The following SHROOM3 variants were observed in gnomAD, a reference collection of about 807,000 sequenced individuals.
SHROOM3 encodes the protein protein Shroom3.
Under a neutral mutation model 138.6 loss-of-function variants are expected in SHROOM3, and 47 were observed. That is an observed-to-expected ratio of 0.34 (90% CI 0.27 to 0.43). The LOEUF is 0.43. SHROOM3 is among the 20% of genes least tolerant of loss of function. The pLI, the probability that SHROOM3 is intolerant of heterozygous loss-of-function variation, is 1.00. For synonymous variants in SHROOM3, 1,062 were observed against 1,063.3 expected (o/e 1.00, Z 0.02); for missense variants, 2,491 against 2,596.5 (o/e 0.96, Z 0.88).
intron 10 of SHROOM3, among the ~76,000 whole-genome samples, chr4:76,776,554 T>C (rs1391212333): frequency 5.3e-5 from 8 of 152,210 alleles, no homozygotes; most frequent in Admixed American, 5.2e-4. Flanking sequence ...TCTTTCCATC[T>C]AGCTATTTTA....
rs971740137 is a variant in SHROOM3, at chr4:76,676,818, C to T, written c.324-33338C>T. Among the ~76,000 whole-genome samples the T allele has an allele frequency of 5.3e-5, 8 of 152,070 alleles. No homozygotes were observed. In the South Asian group the frequency reaches 1.0e-3, roughly 20 times the overall value. ...ATTAGCCGGACATGATGGCCGGCGCCTGTAGTCCCAGCTACTCGGGAGGCT... is the reference window on the plus strand; with the variant it reads ...ATTAGCCGGACATGATGGCCGGCGCTTGTAGTCCCAGCTACTCGGGAGGCT... On this transcript the variant is annotated intron_variant, in intron 2 of 10. Coordinates refer to ENST00000296043, the MANE Select transcript of SHROOM3 (RefSeq NM_020859.4).
At chr4:76,541,582 C>T (rs974161043) in intron 1 of SHROOM3, among the ~76,000 whole-genome samples, 3 of 151,670 alleles carry the variant, frequency 2.0e-5, no homozygotes, top group Admixed American at 6.6e-5. Flanking sequence ...GGAAAAAAGT[C>T]GCACTGCACT....
At position 76,740,675 on chromosome 4, in the gene SHROOM3, C is replaced by T; in HGVS notation, c.2502C>T (p.Phe834=). The change falls in exon 5 of 11, where the codon TTC becomes TTT. Residue 834 remains phenylalanine (F), a synonymous_variant. Coordinates refer to ENST00000296043, the MANE Select transcript of SHROOM3 (RefSeq NM_020859.4). This position sits in a 1 kb window ranked among gnomAD's most constrained non-coding sequence, Gnocchi z 4.0. ...AGGAGACAAAAGCACACATTCGTTT[C>T]TCTGAGTCAGCTGAACCCCTAGGCA... ...DFEETKAHIR[F]SESAEPLGNG... 1 of 1,614,126 alleles carries T rather than the reference C, an allele frequency of 6.2e-7. No individual in the cohort carries two copies. The highest frequency in any genetic ancestry group is 8.5e-7 in the Non-Finnish European group (1 of 1,180,034).
intron 1 of SHROOM3, among the ~76,000 whole-genome samples, chr4:76,486,154 A>G (rs1230476248): frequency 6.6e-6 from 1 of 152,242 alleles, no homozygotes; most frequent in Non-Finnish European, 1.5e-5. Flanking sequence ...GGAAGTGAAT[A>G]CAATGTATTG....
At chr4:76,564,127 T>C (rs1733651805) in intron 2 of SHROOM3, among the ~76,000 whole-genome samples, 1 of 152,218 alleles carries the variant, frequency 6.6e-6, no homozygotes, top group Admixed American at 6.5e-5. Context: ...CTTCATTACT[T>C]CACTCATCCT....
At chr4:76,510,163 AC>A (rs1380400259) in intron 1 of SHROOM3, among the ~76,000 whole-genome samples, 1 of 152,218 alleles carries the variant, frequency 6.6e-6, no homozygotes, top group African/African-American at 2.4e-5. Context: ...TGAGATCCAG[AC>A]CAAGATTTAT....
chr4:76,589,963 G>A (rs1327152526), intron 2 of SHROOM3, among the ~76,000 whole-genome samples: 2 of 152,222 alleles, frequency 1.3e-5, no homozygotes, highest in Non-Finnish European at 2.9e-5. Context: ...CAAGAAGTTA[G>A]TGAGAAATTA....
At chr4:76,681,740 A>G (rs933710207) in intron 2 of SHROOM3, among the ~76,000 whole-genome samples, 7 of 151,912 alleles carry the variant, frequency 4.6e-5, no homozygotes, top group Non-Finnish European at 1.0e-4. Flanking sequence ...GCCTTTTCAG[A>G]TGGATTAGGA....
chr4:76,534,009 A>G (rs1053931482), intron 1 of SHROOM3, among the ~76,000 whole-genome samples: 3 of 152,144 alleles, frequency 2.0e-5, no homozygotes, highest in Non-Finnish European at 4.4e-5. Flanking sequence ...CACCTGTAAA[A>G]TTATTATTTA....
rs1373879349 is a variant in SHROOM3, at chr4:76,596,333, G to A, written c.323+40570G>A. 2.6e-5 allele frequency among the ~76,000 whole-genome samples: 4 copies of A among 152,132 alleles called. No individual in the cohort carries two copies. The East Asian group carries it at 7.7e-4, about 29-fold the overall frequency. On this transcript the variant is annotated intron_variant, in intron 2 of 10. Coordinates refer to ENST00000296043, the MANE Select transcript of SHROOM3 (RefSeq NM_020859.4). Reference sequence around the variant, plus strand: ...AGTTAGAGGCAAGAGGATGGCTGGAGCCTGGGAGGTAGAGGCTACAGTGAG... The same window carrying A: ...AGTTAGAGGCAAGAGGATGGCTGGAACCTGGGAGGTAGAGGCTACAGTGAG...
chr4:76,539,379 A>C (rs536204383), intron 1 of SHROOM3, among the ~76,000 whole-genome samples: 1 of 152,292 alleles, frequency 6.6e-6, no homozygotes, highest in Admixed American at 6.5e-5. Context: ...GCCAACTTCC[A>C]GATTGGCATA....
At chr4:76,489,241 T>A (rs1731799802) in intron 1 of SHROOM3, among the ~76,000 whole-genome samples, 4 of 152,246 alleles carry the variant, frequency 2.6e-5, no homozygotes, top group Admixed American at 6.5e-5. Context: ...ATATGCAATT[T>A]TTTTTCTTAA....
At chr4:76,577,590 A>G (rs539440959) in intron 2 of SHROOM3, among the ~76,000 whole-genome samples, 4 of 152,236 alleles carry the variant, frequency 2.6e-5, no homozygotes, top group Admixed American at 6.5e-5. Flanking sequence ...ACGTTTATCA[A>G]TCTTGTTAAA....
chr4:76,750,435 T>G (rs1721583791), intron 6 of SHROOM3, among the ~76,000 whole-genome samples: 1 of 152,118 alleles, frequency 6.6e-6, no homozygotes, highest in Non-Finnish European at 1.5e-5. Flanking sequence ...TACTGCACGT[T>G]CTCACTTACA....
Position 76,693,370 on chromosome 4 carries a change from GTTTTTTTT to G in SHROOM3, c.324-16770_324-16763del, listed in dbSNP as rs10648549. 1.0e-4 allele frequency among the ~76,000 whole-genome samples: 8 copies of G among 79,834 alleles called. No individual in the cohort carries two copies. In the East Asian group the frequency reaches 1.7e-3, roughly 17 times the overall value. 52.4% of individuals were successfully genotyped at this position (79,834 alleles called of 152,430 possible). Reference sequence around the variant, plus strand: ...TGCATACCTTCATTTTGATAAGTTTGTTTTTTTTTTTTTTTTTTTTTTTAAAGCAACAA... The same window carrying G: ...TGCATACCTTCATTTTGATAAGTTTGTTTTTTTTTTTTTTTAAAGCAACAA... On this transcript the variant is annotated intron_variant, in intron 2 of 10. Transcript: ENST00000296043.
chr4:76,450,057 G>A (rs1053704288), intron 1 of SHROOM3, among the ~76,000 whole-genome samples: 5 of 152,184 alleles, frequency 3.3e-5, no homozygotes, highest in Non-Finnish European at 7.4e-5. Context: ...CTTAGTGTTC[G>A]TTTTAACTCC....
At chr4:76,629,749 G>A (rs1735260893) in intron 2 of SHROOM3, among the ~76,000 whole-genome samples, 1 of 152,204 alleles carries the variant, frequency 6.6e-6, no homozygotes, top group Non-Finnish European at 1.5e-5. Context: ...TGAGTACCAG[G>A]TGGCTGGAAC....
intron 2 of SHROOM3, among the ~76,000 whole-genome samples, chr4:76,700,264 G>T (rs1719866487): frequency 6.6e-6 from 1 of 152,174 alleles, no homozygotes; most frequent in South Asian, 2.1e-4. Context: ...GTTTCCTCAT[G>T]AATAAAGTAG....
chr4:76,624,642 G>T (rs868207012), intron 2 of SHROOM3, among the ~76,000 whole-genome samples: 7 of 152,164 alleles, frequency 4.6e-5, no homozygotes, highest in Non-Finnish European at 1.0e-4. Flanking sequence ...GGTTATCGTG[G>T]TGTTTTTAAA....
Sources: gnomAD v4.1 joint callset for allele counts (sites outside exome capture counted in the v4.1 genomes callset) on GRCh38, gnomAD v4.1.1 for gene constraint, Gnocchi (gnomAD v3.1) non-coding constraint, MANE v1.5 for transcripts, NCBI Gene and HGNC (gene_info 2026-07-23, HGNC 2026-07-21) for gene names.